Variants in TEK observed in about 807,000 individuals in gnomAD.
The protein encoded by TEK is TEK receptor tyrosine kinase.
In TEK, 43 loss-of-function variants were observed where a neutral mutation model predicts 131.8. The observed-to-expected ratio is 0.33, with a 90% CI of 0.26 to 0.42. The LOEUF (loss-of-function observed/expected upper bound fraction) is 0.42, where lower values mean the gene tolerates loss of function less well. TEK is among the 10% of genes least tolerant of loss of function. TEK has a pLI of 1.00. For missense variants in TEK, 1,162 were observed against 1,384.4 expected, an observed-to-expected ratio of 0.84 and a Z score of 2.55; for synonymous variants, 580 against 491.6, an observed-to-expected ratio of 1.18 and a Z score of -2.38.
At chr9:27,138,685 C>G (rs1243740843) in intron 1 of TEK, among the ~76,000 whole-genome samples, 2 of 152,108 alleles carry the variant, frequency 1.3e-5, no homozygotes, top group East Asian at 3.8e-4. Context: ...CTTCATGGGC[C>G]CACTTACACC....
At chr9:27,139,277 AT>A (rs1207040534) in intron 1 of TEK, among the ~76,000 whole-genome samples, 1 of 140,194 alleles carries the variant, frequency 7.1e-6, no homozygotes, top group Non-Finnish European at 1.5e-5. Flanking sequence ...TTTACTTTTG[AT>A]TTTTTTCTGA....
chr9:27,134,968 T>A (rs903355937), intron 1 of TEK, among the ~76,000 whole-genome samples: 3 of 152,202 alleles, frequency 2.0e-5, no homozygotes, highest in African/African-American at 7.2e-5. Flanking sequence ...TAAATTGTTA[T>A]AATCCCAGCA....
At chr9:27,110,598 C>G (rs2131019953) in intron 1 of TEK, among the ~76,000 whole-genome samples, 1 of 152,200 alleles carries the variant, frequency 6.6e-6, no homozygotes. Context: ...ATTCACTAAA[C>G]TTCATGGATA....
At position 27,143,463 on chromosome 9, in the gene TEK, G is replaced by A. The variant is rs533157130; in HGVS notation, c.53-14368G>A. Among the ~76,000 whole-genome samples, 142 of 152,230 alleles carry A rather than the reference G, an allele frequency of 9.3e-4. 1 individual carries two copies. Among genetic ancestry groups the A allele is most frequent in the African/African-American group, 3.3e-3 (136 of 41,532 alleles). ...CCTTGTCAGAATGAAGAGAAGAACC[G>A]AGAAACAGCCTGGTTTTAGCAAGTG... On this transcript the variant is annotated intron_variant, in intron 1 of 22. Coordinates refer to ENST00000380036, the MANE Select transcript of TEK (RefSeq NM_000459.5).
At chr9:27,212,647 C>G in intron 16 of TEK, 60 bp from the exon 17 acceptor site, 3 of 1,585,582 alleles carry the variant, frequency 1.9e-6, no homozygotes, top group Middle Eastern at 1.7e-4. Context: ...CAGCACATCT[C>G]TTAAATGTCA....
chr9:27,109,478 A>G lies in TEK; in HGVS notation c.-113A>G. 1.8e-6 allele frequency: 2 copies of G among 1,087,462 alleles called. No individual in the cohort carries two copies. Among genetic ancestry groups the G allele is most frequent in the Non-Finnish European group, 2.9e-6 (2 of 701,126 alleles). The allele number at this position is 1,087,462 out of a possible 1,614,324, so 67.4% of individuals were successfully genotyped here. A position where few individuals can be genotyped will look rare whatever the true frequency, so the allele number is the denominator to read the frequency against. On this transcript the variant is annotated 5_prime_UTR_variant, in exon 1 of 23. Coordinates refer to ENST00000380036, the MANE Select transcript of TEK (RefSeq NM_000459.5). ...GTTCCTTCTTGCCTCTAACTTGTAA[A>G]CAAGACGTAGTAGGACGATGCTAAT... is the stretch of plus-strand genomic sequence containing the variant.
chr9:27,197,193 C>T (rs916064494), intron 11 of TEK, 122 bp from the exon 12 acceptor site: 29 of 1,054,688 alleles, frequency 2.7e-5, no homozygotes, highest in Non-Finnish European at 3.7e-5. Context: ...CAACCAATCA[C>T]CTCCCACCAG....
chr9:27,213,119 C>A (rs777780998), intron 17 of TEK, among the ~76,000 whole-genome samples: 5 of 152,056 alleles, frequency 3.3e-5, no homozygotes, highest in African/African-American at 4.8e-5. Flanking sequence ...GTATAATTTT[C>A]TTCTATCTAA....
intron 1 of TEK, among the ~76,000 whole-genome samples, chr9:27,145,157 C>G (rs1300968352): frequency 1.3e-5 from 2 of 152,126 alleles, no homozygotes; most frequent in African/African-American, 4.8e-5. Flanking sequence ...CCTGATCTCC[C>G]CAAGGCTGCC....
rs1368396917 is a variant in TEK, at chr9:27,212,743, G to C, written c.2723G>C (p.Gly908Ala). ...CTGGCCATTGAGTACGCGCCCCATG[G>C]AAACCTTCTGGACTTCCTTCGCAAG... ...LYLAIEYAPH[G>A]NLLDFLRKSR... The change falls in exon 17 of 23, where the codon GGA becomes GCA. Residue 908 changes from glycine (G) to alanine (A), a missense_variant. By Grantham distance (60) the Gly-to-Ala change is moderately conservative. This residue lies in a region of TEK where 1 missense variants were observed against 19.2 expected (regional missense o/e 0.05). Transcript: ENST00000380036. 1 of 1,613,970 alleles carries C rather than the reference G, an allele frequency of 6.2e-7. No homozygotes were observed. The highest frequency in any genetic ancestry group is 1.3e-5 in the African/African-American group (1 of 74,886).
intron 1 of TEK, among the ~76,000 whole-genome samples, chr9:27,118,802 A>G (rs913661782): frequency 6.6e-6 from 1 of 152,064 alleles, no homozygotes; most frequent in Non-Finnish European, 1.5e-5. Flanking sequence ...CAAACAGAAG[A>G]TGCACAACCC....
chr9:27,212,366 AAGAACGTGTCTG>A (rs1825666806), intron 16 of TEK, among the ~76,000 whole-genome samples: 1 of 152,214 alleles, frequency 6.6e-6, no homozygotes, highest in Admixed American at 6.5e-5. Context: ...AGGTGACGTG[AAGAACGTGTCTG>A]AGATCTGGAA....
intron 1 of TEK, among the ~76,000 whole-genome samples, chr9:27,123,617 A>C (rs1210903148): frequency 1.3e-5 from 2 of 152,144 alleles, no homozygotes; most frequent in Non-Finnish European, 2.9e-5. Context: ...AGACTTGCAT[A>C]ATCTTTTTTA....
At chr9:27,139,933 A>C (rs16911088) in intron 1 of TEK, among the ~76,000 whole-genome samples, 2 of 152,160 alleles carry the variant, frequency 1.3e-5, no homozygotes, top group African/African-American at 4.8e-5. Context: ...TGGGCCGCCT[A>C]TGTTCCCCCT....
At chr9:27,222,640 T>A (rs1391205799) in intron 21 of TEK, among the ~76,000 whole-genome samples, 1 of 152,006 alleles carries the variant, frequency 6.6e-6, no homozygotes, top group African/African-American at 2.4e-5. Flanking sequence ...GAGAAATAAA[T>A]CCTTTACAGA....
In TEK at chr9:27,220,144, G is replaced by A. The variant is rs763579590; in HGVS notation, c.3199G>A (p.Val1067Met). The change falls in exon 21 of 23, where the codon GTG (valine) becomes ATG (methionine). Residue 1067 changes from valine (V) to methionine (M), a missense_variant and splice_region_variant. This residue lies in a region of TEK where 84 missense variants were observed against 80.3 expected (regional missense o/e 1.05). Transcript: ENST00000380036. ...GAAGCCCCTGAACTGTGATGATGAG[G>A]TGTAAGTCAGGCCTCATCCTGGGGC... ...LEKPLNCDDE[V>M]YDLMRQCWRE... The A allele has an allele frequency of 1.2e-6, 2 of 1,613,512 alleles. No homozygotes were observed. Among genetic ancestry groups the A allele is most frequent in the Non-Finnish European group, 1.7e-6 (2 of 1,179,922 alleles).
chr9:27,228,964 G>T (rs913555675), intron 22 of TEK, among the ~76,000 whole-genome samples, 194 bp from the exon 23 acceptor site: 59 of 152,312 alleles, frequency 3.9e-4, no homozygotes, highest in African/African-American at 1.4e-3. Flanking sequence ...AATCTTACTT[G>T]CAGAACGCAA....
chr9:27,125,228 C>T (rs1043802813), intron 1 of TEK, among the ~76,000 whole-genome samples: 4 of 152,206 alleles, frequency 2.6e-5, no homozygotes, highest in Non-Finnish European at 4.4e-5. Context: ...CTGTAGTAAT[C>T]GCCTAACAGG....
Position 27,229,174 on chromosome 9 carries a change from C to T in TEK, c.3317C>T (p.Thr1106Met), listed in dbSNP as rs751768682. The change falls in exon 23 of 23, where the codon ACG (threonine) becomes ATG (methionine). Residue 1106 changes from threonine (T) to methionine (M), a missense_variant. Thr to Met is a moderately conservative substitution (Grantham distance 81). Coordinates refer to ENST00000380036, the MANE Select transcript of TEK (RefSeq NM_000459.5). ...TTCTTCCAGACCTACGTGAATACCA[C>T]GCTTTATGAGAAGTTTACTTATGCA... ...LEERKTYVNT[T>M]LYEKFTYAGI... The T allele has an allele frequency of 2.1e-5, 34 of 1,613,670 alleles. No individual in the cohort carries two copies. The highest frequency in any genetic ancestry group is 6.6e-5 in the South Asian group (6 of 91,088).
Sources: allele counts gnomAD v4.1 joint callset (sites outside exome capture counted in the v4.1 genomes callset), GRCh38; gene constraint gnomAD v4.1.1; regional missense constraint gnomAD v4.1.1; transcripts MANE v1.5; gene names NCBI Gene and HGNC (gene_info 2026-07-23, HGNC 2026-07-21).